ZNF160: variants seen among roughly 807,000 people sequenced by gnomAD.
ZNF160 encodes the protein KRAB zinc finger protein KR18.
In ZNF160, 9 loss-of-function variants were observed where a neutral mutation model predicts 13.1. That is an observed-to-expected ratio of 0.69 (90% CI 0.41 to 1.20). ZNF160 has a LOEUF of 1.20. Ranked by LOEUF, ZNF160 falls within the 50% of genes most tolerant of loss-of-function variation. The pLI is 0.01. For synonymous variants in ZNF160, 293 were observed against 333.2 expected (o/e 0.88, Z 1.31); for missense variants, 838 against 988.0 (o/e 0.85, Z 2.04).
chr19:53,079,272 C>A (rs939184265), intron 3 of ZNF160, among the ~76,000 whole-genome samples: 1 of 151,500 alleles, frequency 6.6e-6, no homozygotes, highest in African/African-American at 2.4e-5. Context: ...CTCAACAATT[C>A]GGGCACGGTG....
chr19:53,102,641 A>AT (rs2146117780), intron 1 of ZNF160, among the ~76,000 whole-genome samples: 1 of 150,814 alleles, frequency 6.6e-6, no homozygotes, highest in East Asian at 2.0e-4. Context: ...GGTCTCCCTC[A>AT]TTTTTCTTTT....
At chr19:53,102,292 C>T (rs2085474756) in intron 1 of ZNF160, among the ~76,000 whole-genome samples, 1 of 152,154 alleles carries the variant, frequency 6.6e-6, no homozygotes, top group African/African-American at 2.4e-5. Context: ...CCTGTTACAC[C>T]CGCTTATCCC....
chr19:53,071,096 TG>T (rs1360288609), intron 5 of ZNF160, among the ~76,000 whole-genome samples: 3 of 152,074 alleles, frequency 2.0e-5, no homozygotes, highest in Non-Finnish European at 4.4e-5. Flanking sequence ...CTCAGGAGGC[TG>T]AGGCAGGAGA....
intron 3 of ZNF160, among the ~76,000 whole-genome samples, chr19:53,082,444 G>A (rs2084668828): frequency 6.6e-6 from 1 of 152,142 alleles, no homozygotes; most frequent in Non-Finnish European, 1.5e-5. Context: ...CACTTTAGGA[G>A]GCCAAGGCAG....
intron 5 of ZNF160, chr19:53,073,470 C>CCAAGGAGCAG (rs757441510): frequency 6.6e-5 from 106 of 1,598,054 alleles, no homozygotes; most frequent in Non-Finnish European, 8.7e-5. Context: ...GCAGCAGATG[C>CCAAGGAGCAG]CAAGGAGCAG....
At chr19:53,073,443 C>CA in intron 5 of ZNF160, 1 of 1,598,382 alleles carries the variant, frequency 6.3e-7, no homozygotes, top group South Asian at 1.1e-5. Flanking sequence ...GCTGGAGACT[C>CA]TTCCATGAGG....
chr19:53,096,215 T>C (rs1231450037), intron 1 of ZNF160, among the ~76,000 whole-genome samples: 1 of 152,186 alleles, frequency 6.6e-6, no homozygotes, highest in Non-Finnish European at 1.5e-5. Context: ...CGAGACTCCG[T>C]CTCAAAATAA....
chr19:53,077,256 C>A (rs151174442), intron 3 of ZNF160: 1 of 152,202 alleles, frequency 6.6e-6, no homozygotes, highest in Non-Finnish European at 1.5e-5. Context: ...TTAGAAAAGG[C>A]TTGAGGGATC....
At chr19:53,086,428 C>G in intron 2 of ZNF160, 107 bp from the exon 3 acceptor site, 1 of 872,144 alleles carries the variant, frequency 1.1e-6, no homozygotes, top group African/African-American at 1.7e-5. Flanking sequence ...GTCACACGCA[C>G]AGATCTCACC....
intron 1 of ZNF160, among the ~76,000 whole-genome samples, chr19:53,097,778 A>G (rs1224919856): frequency 6.6e-6 from 1 of 152,184 alleles, no homozygotes; most frequent in African/African-American, 2.4e-5. Flanking sequence ...CCCAGAAAAT[A>G]ATCTCTGAGA....
At position 53,075,100 on chromosome 19, in the gene ZNF160, G is replaced by A; in HGVS notation, c.99C>T (p.Tyr33=). Residue 33 remains tyrosine, a synonymous_variant, in exon 4 of 6, where the codon TAC becomes TAT. Coordinates refer to ENST00000683776, the MANE Select transcript of ZNF160 (RefSeq NM_001322131.2). ...AGTAGTTCTCCAACATCACGTCCCT[G>A]TATAAGATCCTCTGAGCAGGGTCCA... ...KCLDPAQRIL[Y]RDVMLENYWN... 1 of 1,614,168 alleles carries A rather than the reference G, an allele frequency of 6.2e-7. No homozygotes were observed. The highest frequency in any genetic ancestry group is 1.1e-5 in the South Asian group (1 of 91,084).
intron 5 of ZNF160, chr19:53,073,073 A>G: frequency 1.2e-6 from 1 of 860,520 alleles, no homozygotes; most frequent in Non-Finnish European, 1.6e-6. Flanking sequence ...AAGTCATCTC[A>G]AAAACCTATC....
chr19:53,071,549 A>AC (rs1035070949), intron 5 of ZNF160, among the ~76,000 whole-genome samples: 13 of 150,614 alleles, frequency 8.6e-5, no homozygotes, highest in African/African-American at 3.2e-4. Flanking sequence ...CAAAAAAAAA[A>AC]AAAAAAAAAA....
rs151226227 is a variant in ZNF160 at position 53,073,277 on chromosome 19, C to T, written c.271+863G>A. On this transcript the variant is annotated intron_variant, in intron 5 of 5. Coordinates refer to ENST00000683776, the MANE Select transcript of ZNF160 (RefSeq NM_001322131.2). The stretch of plus-strand genomic sequence containing the variant: ...AACAGAATACGCACCCCATGTAAGA[C>T]TGAGGATCAATGACAGAAGGATTTT... 4,974 of 1,550,662 alleles carry T rather than the reference C, an allele frequency of 3.2e-3. 26 individuals carry two copies. The highest frequency in any genetic ancestry group is 9.8e-3 in the Middle Eastern group (57 of 5,822).
At chr19:53,079,549 TA>T (rs56752437) in intron 3 of ZNF160, among the ~76,000 whole-genome samples, 16,695 of 99,168 alleles carry the variant, frequency 0.17, 922 homozygotes, top group East Asian at 0.26. Context: ...AAACTCCATC[TA>T]AAAAAAAAAA....
Position 53,073,282 on chromosome 19 carries a change from G to A in ZNF160, c.271+858C>T, listed in dbSNP as rs1469228995. 2.6e-6 allele frequency: 4 copies of A among 1,556,370 alleles called. No individual in the cohort carries two copies. The African/African-American group carries it at 5.4e-5, about 21-fold the overall frequency. ...AATACGCACCCCATGTAAGACTGAG[G>A]ATCAATGACAGAAGGATTTTGTTAG... is the stretch of plus-strand genomic sequence containing the variant. On this transcript the variant is annotated intron_variant, in intron 5 of 5. Transcript: ENST00000683776.
At chr19:53,075,341 C>A (rs993477184) in intron 3 of ZNF160, 158 bp from the exon 4 acceptor site, 7 of 848,896 alleles carry the variant, frequency 8.2e-6, no homozygotes, top group Middle Eastern at 5.0e-4. Context: ...TGGTCTTCAT[C>A]CCCCTCTCCT....
At chr19:53,073,082 T>A in intron 5 of ZNF160, 2 of 909,422 alleles carry the variant, frequency 2.2e-6, no homozygotes, top group Non-Finnish European at 2.9e-6. Flanking sequence ...CAAAAACCTA[T>A]CATTTACTCC....
chr19:53,096,347 G>C (rs1469220693), intron 1 of ZNF160, among the ~76,000 whole-genome samples: 1 of 152,158 alleles, frequency 6.6e-6, no homozygotes, highest in African/African-American at 2.4e-5. Context: ...CGTGAGAAGG[G>C]AGCTGAGCAG....
Sources: allele counts gnomAD v4.1 joint callset (sites outside exome capture counted in the v4.1 genomes callset), GRCh38; gene constraint gnomAD v4.1.1; transcripts MANE v1.5; gene names NCBI Gene and HGNC (gene_info 2026-07-23, HGNC 2026-07-21).